The following HSPA12A variants were observed in gnomAD, a reference collection of about 807,000 sequenced individuals.
HSPA12A encodes the protein heat shock 70 kDa protein 12A.
Under a neutral mutation model 69.2 loss-of-function variants are expected in HSPA12A, and 28 were observed. The observed-to-expected ratio is 0.40, with a 90% CI of 0.30 to 0.55. The LOEUF is 0.55. Ranked by LOEUF, HSPA12A falls within the 20% of genes least tolerant of loss-of-function variation. The probability of loss-of-function intolerance (pLI) is 0.38; values close to 1 mark genes in which losing one functional copy is unlikely to be tolerated. For synonymous variants in HSPA12A, 345 were observed against 370.5 expected, an observed-to-expected ratio of 0.93 and a Z score of 0.79; for missense variants, 686 against 900.7, an observed-to-expected ratio of 0.76 and a Z score of 3.05.
At chr10:116,814,545 C>G (rs1016369797) in intron 2 of HSPA12A, among the ~76,000 whole-genome samples, 1 of 152,190 alleles carries the variant, frequency 6.6e-6, no homozygotes, top group African/African-American at 2.4e-5. Flanking sequence ...AACATTTTTG[C>G]TAAACTGTAA....
chr10:116,794,761 C>T lies in HSPA12A; in HGVS notation c.91+40174G>A, dbSNP rs192338237. ...TCCAGAGATGGAGATTGCAGTGAGCCGAGATCACACCACTGCACTCCAGCC... is the reference window on the plus strand; with the variant it reads ...TCCAGAGATGGAGATTGCAGTGAGCTGAGATCACACCACTGCACTCCAGCC... On this transcript the variant is annotated intron_variant, in intron 2 of 12. Coordinates refer to the HSPA12A transcript ENST00000635765. Among the ~76,000 whole-genome samples the T allele has an allele frequency of 3.2e-3, 482 of 151,816 alleles. 2 individuals carry two copies. Among genetic ancestry groups the T allele is most frequent in the Non-Finnish European group, 5.2e-3 (353 of 67,944 alleles).
chr10:116,735,168 T>A lies in HSPA12A; in HGVS notation c.40+7262A>T, dbSNP rs147982445. On this transcript the variant is annotated intron_variant, in intron 1 of 11. Transcript: ENST00000369209. ...ATAATTGTAAGTGTCAGACAATCAC[T>A]GGGCACTTGCAGAACGTCTTAAGAA... 3.5e-3 allele frequency among the ~76,000 whole-genome samples: 535 copies of A among 152,374 alleles called. 2 individuals carry two copies. The highest frequency in any genetic ancestry group is 0.014 in the Middle Eastern group (4 of 294).
intron 2 of HSPA12A, among the ~76,000 whole-genome samples, chr10:116,775,316 G>A (rs901360925): frequency 2.0e-5 from 3 of 152,298 alleles, no homozygotes; most frequent in South Asian, 2.1e-4. Flanking sequence ...CCAGTGAGAC[G>A]GGAGCCTGGG....
chr10:116,677,403 T>C (rs1371086779), intron 10 of HSPA12A, among the ~76,000 whole-genome samples: 3 of 152,194 alleles, frequency 2.0e-5, no homozygotes, highest in Admixed American at 6.5e-5. Context: ...TGGTAAGGAA[T>C]CCTTTCCATG....
chr10:116,848,198 A>G (rs1393254034), intron 1 of HSPA12A, among the ~76,000 whole-genome samples: 1 of 152,262 alleles, frequency 6.6e-6, no homozygotes, highest in Non-Finnish European at 1.5e-5. Context: ...ACACAGACTC[A>G]GATTCTACCG....
chr10:116,777,082 A>G (rs533741080), intron 2 of HSPA12A, among the ~76,000 whole-genome samples: 1 of 152,216 alleles, frequency 6.6e-6, no homozygotes, highest in African/African-American at 2.4e-5. Flanking sequence ...GTTCTCTGAC[A>G]TGAGTAGTGT....
chr10:116,838,316 C>T (rs1845751523), intron 1 of HSPA12A, among the ~76,000 whole-genome samples: 1 of 152,114 alleles, frequency 6.6e-6, no homozygotes, highest in Non-Finnish European at 1.5e-5. Flanking sequence ...GGGAGGGAGG[C>T]AGGGGTTGCT....
chr10:116,787,818 A>G (rs1242263565), intron 2 of HSPA12A, among the ~76,000 whole-genome samples: 1 of 152,216 alleles, frequency 6.6e-6, no homozygotes, highest in Non-Finnish European at 1.5e-5. Flanking sequence ...AGGACTAAGA[A>G]GTGGAGTGCC....
chr10:116,688,147 A>T (rs1233387136), intron 6 of HSPA12A, among the ~76,000 whole-genome samples: 1 of 152,146 alleles, frequency 6.6e-6, no homozygotes, highest in African/African-American at 2.4e-5. Context: ...CTCCTGCAGG[A>T]TGGTGGATTT....
intron 2 of HSPA12A, among the ~76,000 whole-genome samples, chr10:116,752,788 C>G (rs1554888474): frequency 6.6e-6 from 1 of 152,146 alleles, no homozygotes. Context: ...GACATGAACC[C>G]TTTTATACTA....
At position 116,698,562 on chromosome 10, in the gene HSPA12A, A is replaced by C. The variant is rs1849984013; in HGVS notation, c.546+73T>G. 2.5e-6 allele frequency: 3 copies of C among 1,188,394 alleles called. No homozygotes were observed. In the South Asian group the frequency reaches 3.9e-5, roughly 16 times the overall value. The allele number at this position is 1,188,394 out of a possible 1,614,324, so 73.6% of individuals were successfully genotyped here. A position where few individuals can be genotyped will look rare whatever the true frequency, so the allele number is the denominator to read the frequency against. ...TCCTACCCTGGCCAGCAGGTGCAGC[A>C]GCCCGAGACACGGAGCTGGCACGGG... On this transcript the variant is annotated intron_variant, in intron 5 of 11. Transcript: ENST00000369209.
intron 1 of HSPA12A, among the ~76,000 whole-genome samples, chr10:116,711,334 G>A (rs117795408): frequency 0.012 from 1,815 of 152,270 alleles, 8 homozygotes; most frequent in Non-Finnish European, 0.019. Context: ...TCAACACCTC[G>A]ACACAAATAG....
chr10:116,771,554 C>G (rs1211118803), intron 2 of HSPA12A, among the ~76,000 whole-genome samples: 2 of 152,226 alleles, frequency 1.3e-5, no homozygotes, highest in African/African-American at 4.8e-5. Context: ...AGGGCCTAGA[C>G]AGAGGGCCCC....
intron 2 of HSPA12A, among the ~76,000 whole-genome samples, chr10:116,796,655 C>G (rs1421585261): frequency 6.6e-6 from 1 of 152,146 alleles, no homozygotes; most frequent in East Asian, 1.9e-4. Flanking sequence ...AGGGAAACCC[C>G]CAGCTGTAGC....
At chr10:116,726,036 C>CAT (rs1850951320) in intron 1 of HSPA12A, among the ~76,000 whole-genome samples, 1 of 150,302 alleles carries the variant, frequency 6.7e-6, no homozygotes, top group Non-Finnish European at 1.5e-5. Flanking sequence ...CGCACACACA[C>CAT]ACACACACAC....
At chr10:116,786,102 G>A (rs946611505) in intron 2 of HSPA12A, among the ~76,000 whole-genome samples, 3 of 152,198 alleles carry the variant, frequency 2.0e-5, no homozygotes, top group Non-Finnish European at 4.4e-5. Flanking sequence ...GAAGCCCCAC[G>A]TGGAGCCTCT....
At chr10:116,796,998 C>T (rs1844840855) in intron 2 of HSPA12A, among the ~76,000 whole-genome samples, 2 of 152,182 alleles carry the variant, frequency 1.3e-5, no homozygotes, top group African/African-American at 4.8e-5. Flanking sequence ...TATTGCTGCC[C>T]CCGGGAACTC....
At position 116,803,460 on chromosome 10, in the gene HSPA12A, C is replaced by A. The variant is rs1298447155; in HGVS notation, c.91+31475G>T. Reference sequence around the variant, plus strand: ...TCGGTATCTAACCCCGCAGGCACCCCCTGAGCTGAATCCAGGCATTCTAAT... The same window carrying A: ...TCGGTATCTAACCCCGCAGGCACCCACTGAGCTGAATCCAGGCATTCTAAT... On this transcript the variant is annotated intron_variant, in intron 2 of 12. Transcript: ENST00000635765. Among the ~76,000 whole-genome samples the A allele has an allele frequency of 2.0e-5, 3 of 152,170 alleles. No homozygotes were observed. The East Asian group carries it at 5.8e-4, about 29-fold the overall frequency.
At position 116,671,279 on chromosome 10, in the gene HSPA12A, G is replaced by C. The variant is rs547123389; in HGVS notation, c.*3502C>G. 1.3e-5 allele frequency: 2 copies of C among 152,292 alleles called. No individual in the cohort carries two copies. Among genetic ancestry groups the C allele is most frequent in the African/African-American group, 4.8e-5 (2 of 41,562 alleles). The allele number at this position is 152,292 out of a possible 1,614,324, so 9.4% of individuals were successfully genotyped here. On this transcript the variant is annotated 3_prime_UTR_variant, in exon 12 of 12. Transcript: ENST00000369209. ...CCGTCTGGTGGTGAACTGCTGCAAA[G>C]TTCTGTGAAGTTTGAATTTATCTTG...
Sources: allele counts gnomAD v4.1 joint callset (sites outside exome capture counted in the v4.1 genomes callset), GRCh38; gene constraint gnomAD v4.1.1; transcripts MANE v1.5; gene names NCBI Gene and HGNC (gene_info 2026-07-23, HGNC 2026-07-21).